The following CHRNB3 variants were observed in gnomAD, a reference collection of about 807,000 sequenced individuals.
CHRNB3 encodes cholinergic receptor nicotinic beta 3 subunit, also known as neuronal acetylcholine receptor subunit beta-3.
CHRNB3 carries 37 observed loss-of-function variants against 40.6 expected under a neutral mutation model. The ratio of observed to expected loss-of-function variants is 0.91; its 90% CI spans 0.70 to 1.20. CHRNB3 has a LOEUF of 1.20. Among genes scored for constraint, CHRNB3 ranks in the 50% most tolerant of loss-of-function variants. The pLI is 0.00. For synonymous variants in CHRNB3, 207 were observed against 207.1 expected, an observed-to-expected ratio of 1.00 and a Z score of 0.00; for missense variants, 505 against 551.2, an observed-to-expected ratio of 0.92 and a Z score of 0.84.
intron 3 of CHRNB3, among the ~76,000 whole-genome samples, chr8:42,717,972 A>C (rs1816148128): frequency 6.6e-6 from 1 of 151,730 alleles, no homozygotes; most frequent in African/African-American, 2.4e-5. Context: ...AGCTGTGATT[A>C]CAGGCATGTG....
At chr8:42,700,650 T>TA (rs1056204175) in intron 1 of CHRNB3, among the ~76,000 whole-genome samples, 2 of 152,062 alleles carry the variant, frequency 1.3e-5, no homozygotes, top group African/African-American at 4.8e-5. Context: ...TGGCTGAGGA[T>TA]AAAAAAATGG....
intron 3 of CHRNB3, among the ~76,000 whole-genome samples, chr8:42,722,961 A>G (rs966243067): frequency 2.6e-5 from 4 of 151,946 alleles, no homozygotes; most frequent in African/African-American, 9.7e-5. Context: ...TACTGTTTAG[A>G]TATTTACTAA....
chr8:42,710,656 A>AGCT (rs1201168261), intron 3 of CHRNB3, among the ~76,000 whole-genome samples: 1 of 152,122 alleles, frequency 6.6e-6, no homozygotes, highest in Admixed American at 6.6e-5. Flanking sequence ...TCAGCAGTAG[A>AGCT]GCTGCTCGTG....
In CHRNB3 at chr8:42,732,448, C is replaced by T. The variant is rs757310896; in HGVS notation, c.1141C>T (p.Leu381Phe). The T allele has an allele frequency of 1.2e-6, 2 of 1,613,792 alleles. No individual in the cohort carries two copies. Among genetic ancestry groups the T allele is most frequent in the Middle Eastern group, 1.7e-4 (1 of 6,058 alleles). ...CCTCGAAAAAAAGAAACAGAAACAG[C>T]TTAGTGATGGAGAAAAAGTTCTAGT... ...KVLEKKKQKQ[L>F]SDGEKVLVAF... Residue 381 changes from leucine (L) to phenylalanine (F), a missense_variant, in exon 5 of 6, where the codon CTT becomes TTT. By Grantham distance (22) the Leu-to-Phe change is conservative. Transcript: ENST00000289957.
At chr8:42,736,097 T>A (rs1816519281) in intron 5 of CHRNB3, among the ~76,000 whole-genome samples, 1 of 152,112 alleles carries the variant, frequency 6.6e-6, no homozygotes, top group Non-Finnish European at 1.5e-5. Context: ...ACTCCTGACC[T>A]CAGGTGATCC....
At chr8:42,698,601 CTCAAAG>C (rs1815719975) in intron 1 of CHRNB3, among the ~76,000 whole-genome samples, 1 of 152,188 alleles carries the variant, frequency 6.6e-6, no homozygotes, top group African/African-American at 2.4e-5. Flanking sequence ...AGACCAAGGA[CTCAAAG>C]TCAAACAGGA....
At position 42,730,597 on chromosome 8, in the gene CHRNB3, T is replaced by C. The variant is rs779128053; in HGVS notation, c.253T>C (p.Trp85Arg). 2 of 1,590,362 alleles carry C rather than the reference T, an allele frequency of 1.3e-6. No homozygotes were observed. Among genetic ancestry groups the C allele is most frequent in the Non-Finnish European group, 8.6e-7 (1 of 1,165,104 alleles). ...ACAGTGTACTAATTTCATGCAGGAA[T>C]GGACAGACCACAAGTTACGCTGGAA... is the stretch of plus-strand genomic sequence containing the variant. ...MTTNVWLKQE[W>R]TDHKLRWNPD... is the part of the protein sequence containing the mutation. Residue 85 changes from tryptophan to arginine, a missense_variant, in exon 4 of 6, where the codon TGG becomes CGG. Transcript: ENST00000289957.
Position 42,731,700 on chromosome 8 carries a change from C to G in CHRNB3, c.393C>G (p.Thr131=). ...GCCGCTTCGAAGGCTCCCTGATGAC[C>G]AAGGTCATCGTGAAATCAAACGGAA... is the stretch of plus-strand genomic sequence containing the variant. ...ADGRFEGSLM[T]KVIVKSNGTV... Residue 131 remains threonine, a synonymous_variant, in exon 5 of 6, where the codon ACC becomes ACG. Coordinates refer to ENST00000289957, the MANE Select transcript of CHRNB3 (RefSeq NM_000749.5). 1.2e-6 allele frequency: 2 copies of G among 1,612,954 alleles called. No homozygotes were observed.
chr8:42,718,966 T>C (rs1225969973), intron 3 of CHRNB3, among the ~76,000 whole-genome samples: 2 of 152,166 alleles, frequency 1.3e-5, no homozygotes, highest in African/African-American at 4.8e-5. Flanking sequence ...CTCTGACATA[T>C]CCTGTGCGAT....
Position 42,703,435 on chromosome 8 carries a change from A to AAAAAAATATATATATATAT in CHRNB3, c.53-5281_53-5280insAAAAATATATATATATATA. 3.4e-3 allele frequency among the ~76,000 whole-genome samples: 159 copies of AAAAAAATATATATATATAT among 47,328 alleles called. 29 individuals are homozygous for AAAAAAATATATATATATAT. Among genetic ancestry groups the AAAAAAATATATATATATAT allele is most frequent in the East Asian group, 0.012 (10 of 868 alleles). The allele number at this position is 47,328 out of a possible 152,430, so 31.0% of individuals were successfully genotyped here. A position where few individuals can be genotyped will look rare whatever the true frequency, so the allele number is the denominator to read the frequency against. ...CAAGACTTCGTCTAAAAAAAAAAAA[A>AAAAAAATATATATATATAT]ATATTTATATATATATATATATATA... is the stretch of plus-strand genomic sequence containing the variant. On this transcript the variant is annotated intron_variant, in intron 1 of 5. Transcript: ENST00000289957.
rs41272375 is a variant in CHRNB3, at chr8:42,697,387, G to C, written c.-160G>C. ...CTTTGAGAAGCGGCACACTCGGCGAGAGGGGTTGAGATTGTTTTATTCCAC... is the reference window on the plus strand; with the variant it reads ...CTTTGAGAAGCGGCACACTCGGCGACAGGGGTTGAGATTGTTTTATTCCAC... On this transcript the variant is annotated 5_prime_UTR_variant, in exon 1 of 6. Coordinates refer to ENST00000289957, the MANE Select transcript of CHRNB3 (RefSeq NM_000749.5). 19,591 of 602,168 alleles carry C rather than the reference G, an allele frequency of 0.033. 679 individuals are homozygous for C. The highest frequency in any genetic ancestry group is 0.14 in the Admixed American group (5,259 of 36,642). The allele number at this position is 602,168 out of a possible 1,614,324, so 37.3% of individuals were successfully genotyped here. A position where few individuals can be genotyped will look rare whatever the true frequency, so the allele number is the denominator to read the frequency against.
rs1554590400 is a variant in CHRNB3 at position 42,715,976 on chromosome 8, C to CCTTTT, written c.249+5542_249+5543insCTTTT. The stretch of plus-strand genomic sequence containing the variant: ...TAGAGACAATGAAAATTAAACTGAC[C>CCTTTT]TTTTTTTTTTTTTTTTTTTTGAGAT... On this transcript the variant is annotated intron_variant, in intron 3 of 5. Coordinates refer to ENST00000289957, the MANE Select transcript of CHRNB3 (RefSeq NM_000749.5). 5.1e-4 allele frequency among the ~76,000 whole-genome samples: 63 copies of CCTTTT among 124,180 alleles called. 1 individual carries two copies. Among genetic ancestry groups the CCTTTT allele is most frequent in the African/African-American group, 1.8e-3 (62 of 34,718 alleles). 81.5% of individuals were successfully genotyped at this position (124,180 alleles called of 152,430 possible). A position where few individuals can be genotyped will look rare whatever the true frequency, so the allele number is the denominator to read the frequency against.
chr8:42,736,411 T>G lies in CHRNB3; in HGVS notation c.1243-73T>G. The G allele has an allele frequency of 3.2e-6, 5 of 1,540,712 alleles. No homozygotes were observed. In the South Asian group the frequency reaches 5.9e-5, roughly 18 times the overall value. On this transcript the variant is annotated intron_variant, in intron 5 of 5. Transcript: ENST00000289957. ...GCTATAAATCTGAATGTTACTCTTT[T>G]TTAATCCCTTGAGATGAATACAGAA...
At position 42,731,884 on chromosome 8, in the gene CHRNB3, A is replaced by C; in HGVS notation, c.577A>C (p.Lys193Gln). The C allele has an allele frequency of 6.2e-7, 1 of 1,614,180 alleles. No homozygotes were observed. The highest frequency in any genetic ancestry group is 8.5e-7 in the Non-Finnish European group (1 of 1,180,042). ...LILINENVDRKDFFDNGEWEI... is the reference protein window; with the variant it reads ...LILINENVDRQDFFDNGEWEI... The stretch of plus-strand genomic sequence containing the variant: ...TTTGATCAATGAAAATGTCGACAGA[A>C]AAGACTTCTTCGATAACGGAGAATG... The change falls in exon 5 of 6, where the codon AAA becomes CAA. Residue 193 changes from lysine (K) to glutamine (Q), a missense_variant. Coordinates refer to ENST00000289957, the MANE Select transcript of CHRNB3 (RefSeq NM_000749.5).
At chr8:42,711,251 A>C (rs547332106) in intron 3 of CHRNB3, among the ~76,000 whole-genome samples, 1 of 152,218 alleles carries the variant, frequency 6.6e-6, no homozygotes, top group Admixed American at 6.5e-5. Context: ...CAGAGGCTGC[A>C]GTGAGCCAAG....
At chr8:42,709,524 C>T (rs890206051) in intron 2 of CHRNB3, among the ~76,000 whole-genome samples, 7 of 152,140 alleles carry the variant, frequency 4.6e-5, no homozygotes, top group Non-Finnish European at 1.0e-4. Context: ...CACACATGTG[C>T]GCACACTCAC....
At chr8:42,708,902 A>G (rs1815965620) in intron 2 of CHRNB3, 34 bp downstream of exon 2, 5 of 1,594,386 alleles carry the variant, frequency 3.1e-6, no homozygotes, top group Non-Finnish European at 4.3e-6. Flanking sequence ...TAAAAAGAAC[A>G]TGCATTCCTT....
intron 3 of CHRNB3, among the ~76,000 whole-genome samples, chr8:42,715,934 A>G (rs931162678): frequency 4.6e-5 from 7 of 152,010 alleles, no homozygotes; most frequent in African/African-American, 1.5e-4. Context: ...AAGGTTAGGA[A>G]AACGTGGAAA....
At chr8:42,710,479 T>C (rs769555013) in intron 3 of CHRNB3, 45 bp downstream of exon 3, 11 of 1,474,570 alleles carry the variant, frequency 7.5e-6, no homozygotes, top group Non-Finnish European at 1.0e-5. Flanking sequence ...CAGTCACTTA[T>C]TTTCTATTTA....
Sources: gnomAD v4.1 joint callset for allele counts (sites outside exome capture counted in the v4.1 genomes callset) on GRCh38, gnomAD v4.1.1 for gene constraint, MANE v1.5 for transcripts, NCBI Gene and HGNC (gene_info 2026-07-23, HGNC 2026-07-21) for gene names.